The following OR10A6 variants were observed in gnomAD, a reference collection of about 807,000 sequenced individuals.
OR10A6 encodes the protein olfactory receptor family 10 subfamily A member 6 (gene/pseudogene).
A neutral mutation model predicts 1.5 loss-of-function variants in OR10A6; 2 were observed. The observed-to-expected ratio is 1.31, with a 90% CI of 0.54 to 4.13. The LOEUF is 4.13. Among genes scored for constraint, OR10A6 ranks in the 30% most tolerant of loss-of-function variants. The pLI is 0.07. For missense variants in OR10A6, 492 were observed against 368.6 expected, an observed-to-expected ratio of 1.33 and a Z score of -2.74; for synonymous variants, 169 against 137.3, an observed-to-expected ratio of 1.23 and a Z score of -1.61.
Position 7,927,483 on chromosome 11 carries a change from A to T in OR10A6, c.*235T>A. 1 of 419,994 alleles carries T rather than the reference A, an allele frequency of 2.4e-6. No homozygotes were observed. Among genetic ancestry groups the T allele is most frequent in the Admixed American group, 4.0e-5 (1 of 25,054 alleles). 26.0% of individuals were successfully genotyped at this position (419,994 alleles called of 1,614,324 possible). On this transcript the variant is annotated 3_prime_UTR_variant, in exon 4 of 4. Transcript: ENST00000641238. Reference sequence around the variant, plus strand: ...AAAAATAACCATCAGTAGGGCTACTACTAAACAAATTGTTGAAATTGTGTT... The same window carrying T: ...AAAAATAACCATCAGTAGGGCTACTTCTAAACAAATTGTTGAAATTGTGTT...
Position 7,927,902 on chromosome 11 carries a change from G to C in OR10A6, c.761C>G (p.Thr254Arg). 6.2e-7 allele frequency: 1 copy of C among 1,614,038 alleles called. No individual in the cohort carries two copies. The highest frequency in any genetic ancestry group is 8.5e-7 in the Non-Finnish European group (1 of 1,179,994). The change falls in exon 4 of 4, where the codon ACA (threonine) becomes AGA (arginine). Residue 254 changes from threonine (T) to arginine (R), a missense_variant. By Grantham distance (71) the Thr-to-Arg change is moderately conservative. Transcript: ENST00000641238. The part of the protein sequence containing the change: ...HLTSVTLFYG[T>R]ASMTYLQPKS... ...GGGTTGTAAATAAGTCATACTGGCT[G>C]TGCCATAGAATAGGGTCACAGATGT...
rs1179866435 is a variant in OR10A6, at chr11:7,926,900, A to C, written c.*818T>G. 2 of 152,182 alleles carry C rather than the reference A, an allele frequency of 1.3e-5. No individual in the cohort carries two copies. The highest frequency in any genetic ancestry group is 1.3e-4 in the Admixed American group (2 of 15,268). 9.4% of individuals were successfully genotyped at this position (152,182 alleles called of 1,614,324 possible). A position where few individuals can be genotyped will look rare whatever the true frequency, so the allele number is the denominator to read the frequency against. Reference sequence around the variant, plus strand: ...AATCATATTTATGTCCCACAACAAAAAAACACAATCATACATTGTTTGGCC... The same window carrying C: ...AATCATATTTATGTCCCACAACAAACAAACACAATCATACATTGTTTGGCC... On this transcript the variant is annotated 3_prime_UTR_variant, in exon 4 of 4. Coordinates refer to ENST00000641238, the MANE Select transcript of OR10A6 (RefSeq NM_001004461.2).
rs1859374942 is a variant in OR10A6 at position 7,925,310 on chromosome 11, A to G, written c.*2408T>C. 1 of 152,208 alleles carries G rather than the reference A, an allele frequency of 6.6e-6. No individual in the cohort carries two copies. Among genetic ancestry groups the G allele is most frequent in the African/African-American group, 2.4e-5 (1 of 41,456 alleles). The allele number at this position is 152,208 out of a possible 1,614,324, so 9.4% of individuals were successfully genotyped here. A position where few individuals can be genotyped will look rare whatever the true frequency, so the allele number is the denominator to read the frequency against. On this transcript the variant is annotated 3_prime_UTR_variant, in exon 4 of 4. Transcript: ENST00000641238. Reference sequence around the variant, plus strand: ...TTCTATCTCCTCACATAACATCACAAATGTATAAATTCCCAGCACATACTT... The same window carrying G: ...TTCTATCTCCTCACATAACATCACAGATGTATAAATTCCCAGCACATACTT...
In OR10A6 at chr11:7,930,300, G is replaced by C. The variant is rs958852243; in HGVS notation, c.-1638C>G. 4 of 151,978 alleles carry C rather than the reference G, an allele frequency of 2.6e-5. No individual in the cohort carries two copies. The highest frequency in any genetic ancestry group is 9.7e-5 in the African/African-American group (4 of 41,358). 9.4% of individuals were successfully genotyped at this position (151,978 alleles called of 1,614,324 possible). ...ACACAATCACAGGATGTCATGAATGGAAGGCCATTAGGTCGGAGGAGGATG... is the reference window on the plus strand; with the variant it reads ...ACACAATCACAGGATGTCATGAATGCAAGGCCATTAGGTCGGAGGAGGATG... On this transcript the variant is annotated 5_prime_UTR_variant, in exon 4 of 4. Coordinates refer to ENST00000641238, the MANE Select transcript of OR10A6 (RefSeq NM_001004461.2).
rs776403167 is a variant in OR10A6 at position 7,928,308 on chromosome 11, C to G, written c.355G>C (p.Ala119Pro). ...CAAATTGCAGCAAATCGGTCATAAG[C>G]CATTGCTCCCAGAAGAAAACATTCA... Reference protein sequence around the residue: ...GAECFLLGAMAYDRFAAICHP... With the variant: ...GAECFLLGAMPYDRFAAICHP... The change falls in exon 4 of 4, where the codon GCT (alanine) becomes CCT (proline). Residue 119 changes from alanine (A) to proline (P), a missense_variant. Physicochemically the swap from Ala to Pro is conservative, Grantham distance 27 (BLOSUM62 -1). Transcript: ENST00000641238. 6.2e-7 allele frequency: 1 copy of G among 1,613,896 alleles called. No individual in the cohort carries two copies. Among genetic ancestry groups the G allele is most frequent in the Admixed American group, 1.7e-5 (1 of 59,956 alleles).
rs1859400592 is a variant in OR10A6 at position 7,926,391 on chromosome 11, T to G, written c.*1327A>C. On this transcript the variant is annotated 3_prime_UTR_variant, in exon 4 of 4. Transcript: ENST00000641238. The stretch of plus-strand genomic sequence containing the variant: ...AGCTGGGGCATGCCAGGTGGGCTGT[T>G]GCCGGTCAGGGGTCCCCAGCTTCCA... 2 of 152,216 alleles carry G rather than the reference T, an allele frequency of 1.3e-5. No individual in the cohort carries two copies. The highest frequency in any genetic ancestry group is 3.9e-4 in the East Asian group (2 of 5,190). 9.4% of individuals were successfully genotyped at this position (152,216 alleles called of 1,614,324 possible).
At position 7,928,935 on chromosome 11, in the gene OR10A6, CAT is replaced by C; in HGVS notation, c.-275_-274del. On this transcript the variant is annotated 5_prime_UTR_variant, in exon 4 of 4. An upstream start codon of the reference 5' UTR is lost. Coordinates refer to ENST00000641238, the MANE Select transcript of OR10A6 (RefSeq NM_001004461.2). Reference sequence around the variant, plus strand: ...TATTTGATATTATTTGAAAATTAAACATAGCCTTAATGGAAATATAAATACTT... The same window carrying C: ...TATTTGATATTATTTGAAAATTAAACAGCCTTAATGGAAATATAAATACTT... 2.9e-6 allele frequency: 1 copy of C among 345,798 alleles called. No individual in the cohort carries two copies. Among genetic ancestry groups the C allele is most frequent in the Non-Finnish European group, 5.2e-6 (1 of 194,148 alleles). The allele number at this position is 345,798 out of a possible 1,614,324, so 21.4% of individuals were successfully genotyped here.
Position 7,928,558 on chromosome 11 carries a change from A to G in OR10A6, c.105T>C (p.Tyr35=), listed in dbSNP as rs766873301. 4 of 1,613,842 alleles carry G rather than the reference A, an allele frequency of 2.5e-6. No homozygotes were observed. Residue 35 remains tyrosine (Y), a synonymous_variant, in exon 4 of 4, where the codon TAT becomes TAC. Coordinates refer to ENST00000641238, the MANE Select transcript of OR10A6 (RefSeq NM_001004461.2). The part of the protein sequence containing the change: ...GQLFVAFLVI[Y]LVTLIGNAII... Reference sequence around the variant, plus strand: ...TGGCATTTCCTATCAGGGTCACCAGATAAATAACCAGGAAAGCCACAAAGA... The same window carrying G: ...TGGCATTTCCTATCAGGGTCACCAGGTAAATAACCAGGAAAGCCACAAAGA...
rs896862870 is a variant in OR10A6, at chr11:7,926,383, T to C, written c.*1335A>G. The C allele has an allele frequency of 6.6e-6, 1 of 152,150 alleles. No individual in the cohort carries two copies. The highest frequency in any genetic ancestry group is 1.9e-4 in the East Asian group (1 of 5,188). 9.4% of individuals were successfully genotyped at this position (152,150 alleles called of 1,614,324 possible). A position where few individuals can be genotyped will look rare whatever the true frequency, so the allele number is the denominator to read the frequency against. On this transcript the variant is annotated 3_prime_UTR_variant, in exon 4 of 4. Transcript: ENST00000641238. ...CAGAGGTGAGCTGGGGCATGCCAGG[T>C]GGGCTGTTGCCGGTCAGGGGTCCCC...
Position 7,928,108 on chromosome 11 carries a change from T to G in OR10A6, c.555A>C (p.Leu185Phe). 6.2e-7 allele frequency: 1 copy of G among 1,613,984 alleles called. No individual in the cohort carries two copies. Among genetic ancestry groups the G allele is most frequent in the Non-Finnish European group, 8.5e-7 (1 of 1,179,988 alleles). ...AAAACGTGTCTGCACATGCAAGTTCTAACACTGCTGGGGTTTCACAAGATA... is the reference window on the plus strand; with the variant it reads ...AAAACGTGTCTGCACATGCAAGTTCGAACACTGCTGGGGTTTCACAAGATA... ...NHISCETPAV[L>F]ELACADTFLF... The change falls in exon 4 of 4, where the codon TTA (leucine) becomes TTC (phenylalanine). Residue 185 changes from leucine to phenylalanine, a missense_variant. By Grantham distance (22) the Leu-to-Phe change is conservative. Transcript: ENST00000641238.
rs966919237 is a variant in OR10A6 at position 7,926,652 on chromosome 11, C to G, written c.*1066G>C. On this transcript the variant is annotated 3_prime_UTR_variant, in exon 4 of 4. Transcript: ENST00000641238. Reference sequence around the variant, plus strand: ...CCAGAGCAGAAATGAAGGGTGTTGTCAACTCCTTTGATATAGATTTAATGA... The same window carrying G: ...CCAGAGCAGAAATGAAGGGTGTTGTGAACTCCTTTGATATAGATTTAATGA... 2.6e-5 allele frequency: 4 copies of G among 152,108 alleles called. No homozygotes were observed. In the East Asian group the frequency reaches 5.8e-4, roughly 22 times the overall value. 9.4% of individuals were successfully genotyped at this position (152,108 alleles called of 1,614,324 possible).
rs138423664 is a variant in OR10A6, at chr11:7,927,779, C to A, written c.884G>T (p.Ser295Ile). Residue 295 changes from serine to isoleucine, a missense_variant, in exon 4 of 4, where the codon AGT (serine) becomes ATT (isoleucine). Coordinates refer to ENST00000641238, the MANE Select transcript of OR10A6 (RefSeq NM_001004461.2). The part of the protein sequence containing the change: ...LNLLIYSLRN[S>I]EMKRALMKLW... ...TTTCATCAAAGCCCTCTTCATCTCA[C>A]TATTTCGCAAACTGTAGATAAGCAG... The A allele has an allele frequency of 1.2e-6, 2 of 1,613,852 alleles. No homozygotes were observed. Among genetic ancestry groups the A allele is most frequent in the Non-Finnish European group, 1.7e-6 (2 of 1,179,906 alleles).
Position 7,926,603 on chromosome 11 carries a change from C to T in OR10A6, c.*1115G>A, listed in dbSNP as rs533614177. The T allele has an allele frequency of 6.6e-5, 10 of 152,146 alleles. No individual in the cohort carries two copies. Among genetic ancestry groups the T allele is most frequent in the Non-Finnish European group, 8.8e-5 (6 of 67,990 alleles). The allele number at this position is 152,146 out of a possible 1,614,324, so 9.4% of individuals were successfully genotyped here. A position where few individuals can be genotyped will look rare whatever the true frequency, so the allele number is the denominator to read the frequency against. On this transcript the variant is annotated 3_prime_UTR_variant, in exon 4 of 4. Transcript: ENST00000641238. The stretch of plus-strand genomic sequence containing the variant: ...GATTGTTTTGTAGAAGTGTTCTAAC[C>T]GCTTTATTACCCCACCTCCACCCCC...
At position 7,928,587 on chromosome 11, in the gene OR10A6, G is replaced by T. The variant is rs1366164794; in HGVS notation, c.76C>A (p.Gln26Lys). The T allele has an allele frequency of 1.2e-6, 2 of 1,613,636 alleles. No individual in the cohort carries two copies. Among genetic ancestry groups the T allele is most frequent in the Admixed American group, 1.7e-5 (1 of 59,912 alleles). ...ATAACCAGGAAAGCCACAAAGAGCT[G>T]CCCCTGGAGCTCAGGATAGTTAGAA... ...GFSNYPELQG[Q>K]LFVAFLVIYL... The change falls in exon 4 of 4, where the codon CAG becomes AAG. Residue 26 changes from glutamine (Q) to lysine (K), a missense_variant. Gln to Lys is a moderately conservative substitution (Grantham distance 53). Transcript: ENST00000641238.
In OR10A6 at chr11:7,929,004, C is replaced by G; in HGVS notation, c.-342G>C. The G allele has an allele frequency of 4.9e-6, 1 of 205,792 alleles. No individual in the cohort carries two copies. The highest frequency in any genetic ancestry group is 9.5e-6 in the Non-Finnish European group (1 of 104,784). 12.7% of individuals were successfully genotyped at this position (205,792 alleles called of 1,614,324 possible). ...ATCCCATAACATTGGTGCAAGTGTT[C>G]TTTATTTAACTGAATTTTACATAAA... On this transcript the variant is annotated 5_prime_UTR_variant, in exon 4 of 4. Coordinates refer to ENST00000641238, the MANE Select transcript of OR10A6 (RefSeq NM_001004461.2).
rs1362670509 is a variant in OR10A6 at position 7,927,586 on chromosome 11, A to C, written c.*132T>G. 1.6e-6 allele frequency: 1 copy of C among 607,286 alleles called. No individual in the cohort carries two copies. Among genetic ancestry groups the C allele is most frequent in the East Asian group, 2.8e-5 (1 of 35,952 alleles). 37.6% of individuals were successfully genotyped at this position (607,286 alleles called of 1,614,324 possible). ...CATATAAAGATGCTCCTGATATACA[A>C]TCAAACTTGGAGAACACAATAAATT... On this transcript the variant is annotated 3_prime_UTR_variant, in exon 4 of 4. Transcript: ENST00000641238.
In OR10A6 at chr11:7,927,571, T is replaced by A; in HGVS notation, c.*147A>T. 5.3e-6 allele frequency: 3 copies of A among 564,628 alleles called. No homozygotes were observed. The highest frequency in any genetic ancestry group is 9.4e-6 in the Non-Finnish European group (3 of 319,838). 35.0% of individuals were successfully genotyped at this position (564,628 alleles called of 1,614,324 possible). On this transcript the variant is annotated 3_prime_UTR_variant, in exon 4 of 4. Transcript: ENST00000641238. ...AACTAAAAACATTAACATATAAAGA[T>A]GCTCCTGATATACAATCAAACTTGG...
At position 7,927,574 on chromosome 11, in the gene OR10A6, TC is replaced by T; in HGVS notation, c.*143del. 1.8e-6 allele frequency: 1 copy of T among 571,230 alleles called. No individual in the cohort carries two copies. The highest frequency in any genetic ancestry group is 3.1e-6 in the Non-Finnish European group (1 of 323,948). The allele number at this position is 571,230 out of a possible 1,614,324, so 35.4% of individuals were successfully genotyped here. ...TAAAAACATTAACATATAAAGATGC[TC>T]CTGATATACAATCAAACTTGGAGAA... On this transcript the variant is annotated 3_prime_UTR_variant, in exon 4 of 4. Transcript: ENST00000641238.
Position 7,925,701 on chromosome 11 carries a change from C to G in OR10A6, c.*2017G>C, listed in dbSNP as rs1256144264. The G allele has an allele frequency of 6.6e-6, 1 of 152,154 alleles. No individual in the cohort carries two copies. Among genetic ancestry groups the G allele is most frequent in the East Asian group, 1.9e-4 (1 of 5,200 alleles). 9.4% of individuals were successfully genotyped at this position (152,154 alleles called of 1,614,324 possible). ...GCTGATTTGTTCGTTTTACATAAGT[C>G]TTACTTAATTGGTTCTTTTAAAAGC... On this transcript the variant is annotated 3_prime_UTR_variant, in exon 4 of 4. Coordinates refer to ENST00000641238, the MANE Select transcript of OR10A6 (RefSeq NM_001004461.2).
Sources: gnomAD v4.1 joint callset for allele counts on GRCh38, gnomAD v4.1.1 for gene constraint, MANE v1.5 for transcripts, NCBI Gene and HGNC (gene_info 2026-07-23, HGNC 2026-07-21) for gene names.